The following MPRIP variants were observed in gnomAD, a reference collection of about 807,000 sequenced individuals.
The protein encoded by MPRIP is myosin phosphatase Rho interacting protein, also known as myosin phosphatase Rho-interacting protein.
MPRIP carries 59 observed loss-of-function variants against 234.9 expected under a neutral mutation model. The ratio of observed to expected loss-of-function variants is 0.25; its 90% CI spans 0.20 to 0.31. The LOEUF is 0.31. Ranked by LOEUF, MPRIP falls within the 10% of genes least tolerant of loss-of-function variation. The probability of loss-of-function intolerance (pLI) is 1.00; values close to 1 mark genes in which losing one functional copy is unlikely to be tolerated. For synonymous variants in MPRIP, 1,144 were observed against 1,263.9 expected (o/e 0.91, Z 2.01); for missense variants, 2,436 against 3,071.0 (o/e 0.79, Z 4.89).
At chr17:17,172,590 G>A (rs952853777) in intron 17 of MPRIP, 108 bp from the exon 18 acceptor site, 14 of 778,186 alleles carry the variant, frequency 1.8e-5, no homozygotes, top group Middle Eastern at 3.8e-4. Context: ...GACTAAGCAA[G>A]CATCAGCAGT....
At position 17,189,009 on chromosome 17, in the gene MPRIP, C is replaced by T. The variant is rs1161938821; in HGVS notation, c.*4115C>T. ...GCCACATACCCCTTTCTCCCAGCTA[C>T]TCATTCACTGACTTGGGTAAGTTCT... On this transcript the variant is annotated 3_prime_UTR_variant, in exon 24 of 24. Coordinates refer to ENST00000651222, the MANE Select transcript of MPRIP (RefSeq NM_001364716.4). 1 of 152,196 alleles carries T rather than the reference C, an allele frequency of 6.6e-6. No individual in the cohort carries two copies. Among genetic ancestry groups the T allele is most frequent in the Non-Finnish European group, 1.5e-5 (1 of 68,034 alleles). 9.4% of individuals were successfully genotyped at this position (152,196 alleles called of 1,614,324 possible). A position where few individuals can be genotyped will look rare whatever the true frequency, so the allele number is the denominator to read the frequency against.
chr17:17,046,085 G>A (rs2088341243), intron 1 of MPRIP, among the ~76,000 whole-genome samples: 1 of 152,218 alleles, frequency 6.6e-6, no homozygotes, highest in South Asian at 2.1e-4. Flanking sequence ...GATTACAGGC[G>A]TGAGTCACTG....
intron 4 of MPRIP, among the ~76,000 whole-genome samples, chr17:17,129,358 A>G (rs906296023): frequency 2.0e-5 from 3 of 152,206 alleles, no homozygotes; most frequent in East Asian, 1.9e-4. Flanking sequence ...TACCAGTCCC[A>G]TATTCACACC....
At chr17:17,147,019 C>G (rs1353981469) in intron 10 of MPRIP, among the ~76,000 whole-genome samples, 1 of 152,234 alleles carries the variant, frequency 6.6e-6, no homozygotes, top group East Asian at 1.9e-4. Context: ...GAGGACCGCA[C>G]GGCCTGGCCA....
At chr17:17,071,148 G>A (rs1227634681) in intron 1 of MPRIP, among the ~76,000 whole-genome samples, 1 of 152,218 alleles carries the variant, frequency 6.6e-6, no homozygotes, top group Non-Finnish European at 1.5e-5. Context: ...CCCTGGCCGG[G>A]GTGTGGGGCA....
chr17:17,139,237 G>A (rs548222718), intron 7 of MPRIP, among the ~76,000 whole-genome samples: 11 of 152,320 alleles, frequency 7.2e-5, no homozygotes, highest in Admixed American at 2.0e-4. Context: ...AAATCCAGAC[G>A]CAAGTGCCCA....
At chr17:17,179,235 T>C (rs1217764631) in intron 22 of MPRIP, among the ~76,000 whole-genome samples, 1 of 147,816 alleles carries the variant, frequency 6.8e-6, no homozygotes, top group Admixed American at 6.8e-5. Flanking sequence ...GATCACGAGG[T>C]CAGGAGTTCG....
In MPRIP at chr17:17,189,112, T is replaced by A. The variant is rs1029583720; in HGVS notation, c.*4218T>A. 6.6e-6 allele frequency: 1 copy of A among 151,992 alleles called. No homozygotes were observed. Among genetic ancestry groups the A allele is most frequent in the African/African-American group, 2.4e-5 (1 of 41,324 alleles). 9.4% of individuals were successfully genotyped at this position (151,992 alleles called of 1,614,324 possible). A position where few individuals can be genotyped will look rare whatever the true frequency, so the allele number is the denominator to read the frequency against. On this transcript the variant is annotated 3_prime_UTR_variant, in exon 24 of 24. Coordinates refer to ENST00000651222, the MANE Select transcript of MPRIP (RefSeq NM_001364716.4). ...GAAAAGAAGAGTTTGCCTAACATGG[T>A]CCTAAAGAAGCTTGGAATTTATAAG...
chr17:17,110,431 T>G (rs1000054640), intron 3 of MPRIP, among the ~76,000 whole-genome samples: 16 of 152,238 alleles, frequency 1.1e-4, no homozygotes, highest in South Asian at 2.1e-4. Flanking sequence ...AGTAAAGAAA[T>G]AAATAAATGG....
chr17:17,123,703 CAA>C lies in MPRIP; in HGVS notation c.268-2979_268-2978del, dbSNP rs371753802. 8.0e-3 allele frequency among the ~76,000 whole-genome samples: 476 copies of C among 59,240 alleles called. 2 individuals are homozygous for C. Among genetic ancestry groups the C allele is most frequent in the African/African-American group, 0.023 (440 of 18,732 alleles). 38.9% of individuals were successfully genotyped at this position (59,240 alleles called of 152,430 possible). ...TGGGCAACAGAGCGAGACTTCGTCTCAAAAAAAAAAAAAAAAAAAAAGAAAGA... is the reference window on the plus strand; with the variant it reads ...TGGGCAACAGAGCGAGACTTCGTCTCAAAAAAAAAAAAAAAAAAAGAAAGA... On this transcript the variant is annotated intron_variant, in intron 3 of 23. Transcript: ENST00000651222.
intron 1 of MPRIP, among the ~76,000 whole-genome samples, chr17:17,044,024 A>G (rs2088266850): frequency 6.6e-6 from 1 of 152,132 alleles, no homozygotes; most frequent in African/African-American, 2.4e-5. Context: ...TTTTAATGCC[A>G]CTTCAGTGCA....
chr17:17,180,339 C>T (rs897508106), intron 23 of MPRIP, among the ~76,000 whole-genome samples: 1 of 152,256 alleles, frequency 6.6e-6, no homozygotes, highest in African/African-American at 2.4e-5. Context: ...ATGATCAGCT[C>T]CTGCCTCGAG....
chr17:17,139,252 C>T (rs56280941), intron 7 of MPRIP, among the ~76,000 whole-genome samples: 12,961 of 152,286 alleles, frequency 0.085, 700 homozygotes, highest in Middle Eastern at 0.15. Flanking sequence ...TGCCCAAGCA[C>T]GCCTTCAATC....
At chr17:17,175,481 G>A in intron 20 of MPRIP, 69 bp downstream of exon 20, 1 of 1,475,172 alleles carries the variant, frequency 6.8e-7, no homozygotes. Flanking sequence ...GTGCAGCATG[G>A]CCCCTGTCTT....
intron 3 of MPRIP, among the ~76,000 whole-genome samples, chr17:17,079,836 A>G (rs2089421493): frequency 6.6e-6 from 1 of 152,250 alleles, no homozygotes; most frequent in Non-Finnish European, 1.5e-5. Flanking sequence ...TGGTGCTGGC[A>G]CAAGTGCAGA....
At chr17:17,109,201 G>A (rs183571517) in intron 3 of MPRIP, among the ~76,000 whole-genome samples, 33 of 152,314 alleles carry the variant, frequency 2.2e-4, no homozygotes, top group Non-Finnish European at 3.7e-4. Flanking sequence ...GAGCTCGTGG[G>A]TATATGGGGC....
rs757180824 is a variant in MPRIP, at chr17:17,158,842, C to T, written c.2240C>T (p.Thr747Met). Reference protein sequence around the residue: ...SPGLPMSDLKTHNVHVEIEQR... With the variant: ...SPGLPMSDLKMHNVHVEIEQR... ...GGGCTGCCTATGAGCGACCTCAAAACGCATAACGTCCACGTGGAGATTGAG... is the reference window on the plus strand; with the variant it reads ...GGGCTGCCTATGAGCGACCTCAAAATGCATAACGTCCACGTGGAGATTGAG... Residue 747 changes from threonine to methionine, a missense_variant, in exon 14 of 24, where the codon ACG becomes ATG. Transcript: ENST00000651222. 25 of 1,611,630 alleles carry T rather than the reference C, an allele frequency of 1.6e-5. No homozygotes were observed. In the South Asian group the frequency reaches 1.9e-4, roughly 12 times the overall value.
intron 23 of MPRIP, chr17:17,180,590 G>C: frequency 1.2e-6 from 2 of 1,611,028 alleles, no homozygotes; most frequent in Non-Finnish European, 1.7e-6. Context: ...TCTCATGTCT[G>C]CTCTCTCCTC....
intron 9 of MPRIP, among the ~76,000 whole-genome samples, chr17:17,144,573 C>G (rs2045414770): frequency 6.6e-6 from 1 of 152,148 alleles, no homozygotes; most frequent in South Asian, 2.1e-4. Flanking sequence ...GATCTGCAAG[C>G]TAGGCCGGGC....
Sources: allele counts gnomAD v4.1 joint callset (sites outside exome capture counted in the v4.1 genomes callset), GRCh38; gene constraint gnomAD v4.1.1; transcripts MANE v1.5; gene names NCBI Gene and HGNC (gene_info 2026-07-23, HGNC 2026-07-21).